Variants in PPP4R4 observed in about 807,000 individuals in gnomAD.
PPP4R4 encodes the protein protein phosphatase 4 regulatory subunit 4.
Under a neutral mutation model 121.8 loss-of-function variants are expected in PPP4R4, and 70 were observed. The ratio of observed to expected loss-of-function variants is 0.57; its 90% CI spans 0.47 to 0.70. PPP4R4 has a LOEUF of 0.70. PPP4R4 is among the 30% of genes least tolerant of loss of function. PPP4R4 has a pLI of 0.00. For synonymous variants in PPP4R4, 348 were observed against 355.7 expected (o/e 0.98, Z 0.24); for missense variants, 875 against 1,033.6 (o/e 0.85, Z 2.10).
At chr14:94,239,943 A>T (rs1411732602) in intron 8 of PPP4R4, among the ~76,000 whole-genome samples, 1 of 152,214 alleles carries the variant, frequency 6.6e-6, no homozygotes. Flanking sequence ...AAAATAGTAG[A>T]TATGGCACCG....
chr14:94,238,668 CTA>C (rs1892470999), intron 8 of PPP4R4, among the ~76,000 whole-genome samples: 2 of 152,164 alleles, frequency 1.3e-5, no homozygotes, highest in Non-Finnish European at 2.9e-5. Flanking sequence ...TAAACATTAA[CTA>C]TTTTGATAAA....
At chr14:94,180,092 G>T (rs1040349877) in intron 2 of PPP4R4, among the ~76,000 whole-genome samples, 2 of 152,160 alleles carry the variant, frequency 1.3e-5, no homozygotes, top group African/African-American at 4.8e-5. Context: ...CCTTTTCCCA[G>T]TGTGGTTGAA....
chr14:94,246,684 A>AG (rs1892911979), intron 14 of PPP4R4, 145 bp downstream of exon 14: 1 of 846,248 alleles, frequency 1.2e-6, no homozygotes, highest in Non-Finnish European at 1.8e-6. Flanking sequence ...GGTCCAGAAG[A>AG]GGGGACTCAG....
rs1157033738 is a variant in PPP4R4 at position 94,265,598 on chromosome 14, C to A, written c.2284+125C>A. The A allele has an allele frequency of 5.5e-6, 5 of 910,424 alleles. No homozygotes were observed. In the Admixed American group the frequency reaches 1.2e-4, roughly 22 times the overall value. The allele number at this position is 910,424 out of a possible 1,614,324, so 56.4% of individuals were successfully genotyped here. ...ATATCTCATTCTAAAGCACTTTTCA[C>A]CTTCTATCATTAGGTGTTTTGGTAG... On this transcript the variant is annotated intron_variant, in intron 21 of 24. Transcript: ENST00000304338.
chr14:94,199,866 C>T (rs1161661555), intron 2 of PPP4R4, among the ~76,000 whole-genome samples: 3 of 152,150 alleles, frequency 2.0e-5, no homozygotes, highest in Non-Finnish European at 4.4e-5. Context: ...TTCCTTTCCA[C>T]GTCCAGCCAC....
At position 94,219,627 on chromosome 14, in the gene PPP4R4, A is replaced by G. The variant is rs920265454; in HGVS notation, c.295-10960A>G. Among the ~76,000 whole-genome samples the G allele has an allele frequency of 6.6e-5, 10 of 152,336 alleles. No homozygotes were observed. The East Asian group carries it at 1.7e-3, about 26-fold the overall frequency. Reference sequence around the variant, plus strand: ...AAATCAAATCCAACAATATATCAGAAGGATAATAATACATTATGACTAGTC... The same window carrying G: ...AAATCAAATCCAACAATATATCAGAGGGATAATAATACATTATGACTAGTC... On this transcript the variant is annotated intron_variant, in intron 3 of 24. Coordinates refer to ENST00000304338, the MANE Select transcript of PPP4R4 (RefSeq NM_058237.2).
At chr14:94,271,225 C>T (rs1219073838) in intron 23 of PPP4R4, among the ~76,000 whole-genome samples, 1 of 152,122 alleles carries the variant, frequency 6.6e-6, no homozygotes, top group African/African-American at 2.4e-5. Context: ...AAGAATAATA[C>T]ATACCAACAT....
At chr14:94,266,147 T>A (rs1894042084) in intron 22 of PPP4R4, among the ~76,000 whole-genome samples, 1 of 152,128 alleles carries the variant, frequency 6.6e-6, no homozygotes, top group Non-Finnish European at 1.5e-5. Flanking sequence ...AATCCATATA[T>A]TATTTCATGA....
Position 94,278,827 on chromosome 14 carries a change from A to T in PPP4R4, c.*184A>T. 2.3e-6 allele frequency: 1 copy of T among 425,578 alleles called. No individual in the cohort carries two copies. The highest frequency in any genetic ancestry group is 4.1e-6 in the Non-Finnish European group (1 of 246,566). The allele number at this position is 425,578 out of a possible 1,614,324, so 26.4% of individuals were successfully genotyped here. On this transcript the variant is annotated 3_prime_UTR_variant, in exon 25 of 25. Coordinates refer to ENST00000304338, the MANE Select transcript of PPP4R4 (RefSeq NM_058237.2). ...TTAAACTTTTCATATTTCAAATTAG[A>T]TTCCCTAGGAGGTATAATATATATT...
chr14:94,174,676 CTCCTCCGG>C (rs1307053749), intron 1 of PPP4R4, 94 bp downstream of exon 1: 11 of 1,500,682 alleles, frequency 7.3e-6, no homozygotes, highest in African/African-American at 1.4e-5. Context: ...CCACCCTCCC[CTCCTCCGG>C]GCCGCCGGGA....
chr14:94,225,453 A>AG (rs34094735), intron 3 of PPP4R4, among the ~76,000 whole-genome samples: 30,662 of 151,966 alleles, frequency 0.2, 3,622 homozygotes, highest in East Asian at 0.59. Flanking sequence ...CCTCTGCAGT[A>AG]GGAATAAGGG....
intron 23 of PPP4R4, among the ~76,000 whole-genome samples, chr14:94,270,304 T>G (rs1018672616): frequency 3.9e-5 from 6 of 152,198 alleles, no homozygotes; most frequent in African/African-American, 1.4e-4. Flanking sequence ...ATGTCAGTTT[T>G]TTTCTAAATT....
intron 3 of PPP4R4, among the ~76,000 whole-genome samples, chr14:94,223,579 G>T (rs560401758): frequency 1.9e-4 from 29 of 152,236 alleles, no homozygotes; most frequent in African/African-American, 6.3e-4. Flanking sequence ...CCCAAAGCAG[G>T]CCCCAAATTA....
intron 3 of PPP4R4, among the ~76,000 whole-genome samples, chr14:94,230,378 C>A (rs1404756351): frequency 6.6e-6 from 1 of 152,124 alleles, no homozygotes; most frequent in African/African-American, 2.4e-5. Flanking sequence ...CTTATAAAAT[C>A]CTAAGACACT....
Position 94,269,592 on chromosome 14 carries a change from A to C in PPP4R4, c.2449+2563A>C, listed in dbSNP as rs148673988. The stretch of plus-strand genomic sequence containing the variant: ...GCTACTCAGGAGGCTGAGGCAGGAG[A>C]ATGGTGTGAACCCGGGAGGCAGAGC... On this transcript the variant is annotated intron_variant, in intron 23 of 24. Coordinates refer to ENST00000304338, the MANE Select transcript of PPP4R4 (RefSeq NM_058237.2). Among the ~76,000 whole-genome samples the C allele has an allele frequency of 1.8e-3, 275 of 152,090 alleles. 3 individuals are homozygous for C. In the South Asian group the frequency reaches 0.029, roughly 16 times the overall value.
At position 94,234,559 on chromosome 14, in the gene PPP4R4, C is replaced by T. The variant is rs1892221612; in HGVS notation, c.624-3C>T. On this transcript the variant is annotated splice_region_variant and splice_polypyrimidine_tract_variant and intron_variant, in intron 6 of 24. Coordinates refer to ENST00000304338, the MANE Select transcript of PPP4R4 (RefSeq NM_058237.2). ...TGCATGTTTCTTTTCTCCCCACCTT[C>T]AGCATTAAGCGAGAAATACTTCCTC... 1.9e-6 allele frequency: 3 copies of T among 1,554,564 alleles called. No homozygotes were observed. The East Asian group carries it at 6.8e-5, about 35-fold the overall frequency.
At chr14:94,227,348 GGT>G in intron 3 of PPP4R4, 1 of 1,611,830 alleles carries the variant, frequency 6.2e-7, no homozygotes, top group South Asian at 1.1e-5. Context: ...TTGTCCAGAG[GGT>G]GTGACTCTGT....
chr14:94,195,676 A>T (rs949508813), intron 2 of PPP4R4, among the ~76,000 whole-genome samples: 2 of 151,136 alleles, frequency 1.3e-5, no homozygotes, highest in Admixed American at 1.3e-4. Flanking sequence ...AATGATGATT[A>T]AAAAAAAATG....
chr14:94,221,994 A>G (rs1255589635), intron 3 of PPP4R4, among the ~76,000 whole-genome samples: 1 of 152,062 alleles, frequency 6.6e-6, no homozygotes, highest in Non-Finnish European at 1.5e-5. Context: ...TAACCATTCA[A>G]TGATATAATA....
Sources: allele counts gnomAD v4.1 joint callset (sites outside exome capture counted in the v4.1 genomes callset), GRCh38; gene constraint gnomAD v4.1.1; transcripts MANE v1.5; gene names NCBI Gene and HGNC (gene_info 2026-07-23, HGNC 2026-07-21).